UPRT: variants seen among roughly 807,000 people sequenced by gnomAD.
The protein encoded by UPRT is uracil phosphoribosyltransferase homolog.
UPRT carries 5 observed loss-of-function variants against 22.6 expected under a neutral mutation model. The ratio of observed to expected loss-of-function variants is 0.22; its 90% CI spans 0.12 to 0.47. The LOEUF is 0.47. UPRT is among the 20% of genes least tolerant of loss of function. The pLI is 0.99. For synonymous variants in UPRT, 77 were observed against 87.7 expected (o/e 0.88, Z 0.68); for missense variants, 181 against 239.9 (o/e 0.75, Z 1.62).
chrX:75,236,135 G>T (rs969130909), intron 4 of UPRT, among the ~76,000 whole-genome samples: 2 of 111,217 alleles, frequency 1.8e-5, no homozygotes, highest in Admixed American at 1.9e-4. Context: ...AAAATCACAA[G>T]CATTCTTATA....
At chrX:75,171,828 G>A (rs6647654) in intron 4 of UPRT, among the ~76,000 whole-genome samples, 1,242 of 110,931 alleles carry the variant, frequency 0.011, 20 homozygotes, top group African/African-American at 0.039. Flanking sequence ...CCTGAGAGCC[G>A]AACTCTAATG....
At chrX:75,255,271 A>C (rs1172799669) in intron 4 of UPRT, among the ~76,000 whole-genome samples, 1 of 111,539 alleles carries the variant, frequency 9.0e-6, no homozygotes, top group African/African-American at 3.3e-5. Context: ...TTATATATGA[A>C]AAAAAGATAC....
chrX:75,162,048 C>A (rs1162847635), intron 2 of UPRT, among the ~76,000 whole-genome samples: 3 of 110,588 alleles, frequency 2.7e-5, no homozygotes, highest in Non-Finnish European at 5.7e-5. Context: ...TCCCAAGAGT[C>A]ATCATGTGTA....
At chrX:75,288,722 G>A (rs1345150676) in intron 1 of UPRT, among the ~76,000 whole-genome samples, 1 of 111,376 alleles carries the variant, frequency 9.0e-6, no homozygotes, top group African/African-American at 3.3e-5. Flanking sequence ...CAAACCCACA[G>A]CCAACACTGT....
chrX:75,265,142 C>T (rs752457879), intron 4 of UPRT, among the ~76,000 whole-genome samples: 1 of 111,260 alleles, frequency 9.0e-6, no homozygotes, highest in Non-Finnish European at 1.9e-5. Flanking sequence ...TTTGGTGAAT[C>T]TGACAATTAT....
At chrX:75,277,412 T>C (rs2082635769) in intron 1 of UPRT, among the ~76,000 whole-genome samples, 1 of 111,010 alleles carries the variant, frequency 9.0e-6, no homozygotes, top group Non-Finnish European at 1.9e-5. Flanking sequence ...GGAATCCTTT[T>C]TTTTTTTTCC....
chrX:75,185,614 A>G (rs189968538), intron 4 of UPRT, among the ~76,000 whole-genome samples: 2,661 of 111,635 alleles, frequency 0.024, 33 homozygotes, highest in South Asian at 0.066. Context: ...TCCTCCTTGT[A>G]CCTCTGGTAG....
intron 4 of UPRT, among the ~76,000 whole-genome samples, chrX:75,255,518 A>C (rs948395404): frequency 1.8e-5 from 2 of 111,854 alleles, no homozygotes; most frequent in Non-Finnish European, 3.8e-5. Flanking sequence ...TCTCAATACT[A>C]ACATTGAATT....
intron 4 of UPRT, among the ~76,000 whole-genome samples, chrX:75,198,951 C>G (rs772557050): frequency 8.9e-6 from 1 of 112,053 alleles, no homozygotes; most frequent in African/African-American, 3.2e-5. Flanking sequence ...GGGCTAAACT[C>G]AGCCCTAGCC....
chrX:75,216,832 G>A (rs1291009417), intron 4 of UPRT, among the ~76,000 whole-genome samples: 1 of 112,251 alleles, frequency 8.9e-6, no homozygotes, highest in Non-Finnish European at 1.9e-5. Flanking sequence ...TCGGCTCACT[G>A]CAAGCTCCGC....
intron 3 of UPRT, among the ~76,000 whole-genome samples, chrX:75,165,165 A>G (rs1186814326): frequency 9.1e-6 from 1 of 110,207 alleles, no homozygotes; most frequent in African/African-American, 3.3e-5. Flanking sequence ...TTCATTCTCA[A>G]CAGAAGTGGA....
At chrX:75,217,374 G>A (rs902737928) in intron 4 of UPRT, among the ~76,000 whole-genome samples, 3 of 111,124 alleles carry the variant, frequency 2.7e-5, no homozygotes, top group Non-Finnish European at 5.7e-5. Context: ...GGATGGCATT[G>A]AATCTACAAA....
At chrX:75,213,755 G>A (rs1244841341) in intron 4 of UPRT, among the ~76,000 whole-genome samples, 2 of 111,746 alleles carry the variant, frequency 1.8e-5, no homozygotes, top group Non-Finnish European at 3.8e-5. Context: ...ACATAATGAT[G>A]AGGGCCAATT....
Position 75,164,614 on chromosome X carries a change from G to C in UPRT, c.-521+1389G>C, listed in dbSNP as rs148649084. ...TTAGATTAGTGATTGCCTAGTGCTG[G>C]GGAATTGGAATACCTGCTAATGTAT... On this transcript the variant is annotated intron_variant, in intron 3 of 13. Coordinates refer to the UPRT transcript ENST00000652605. 6.0e-3 allele frequency among the ~76,000 whole-genome samples: 672 copies of C among 111,800 alleles called. 4 individuals are homozygous for C. The highest frequency in any genetic ancestry group is 0.02 in the African/African-American group (630 of 30,829).
intron 4 of UPRT, among the ~76,000 whole-genome samples, chrX:75,241,869 A>G (rs2082489666): frequency 9.2e-6 from 1 of 109,223 alleles, no homozygotes; most frequent in African/African-American, 3.3e-5. Flanking sequence ...GAACTACACT[A>G]TGAGGATACA....
At chrX:75,159,534 C>T (rs1280037378) in intron 1 of UPRT, among the ~76,000 whole-genome samples, 1 of 111,747 alleles carries the variant, frequency 8.9e-6, no homozygotes, top group Admixed American at 9.5e-5. Context: ...CGATGCCAGA[C>T]TTAAATATTC....
At chrX:75,184,650 C>A (rs2082282863) in intron 4 of UPRT, among the ~76,000 whole-genome samples, 1 of 107,563 alleles carries the variant, frequency 9.3e-6, no homozygotes, top group Non-Finnish European at 1.9e-5. Flanking sequence ...ATTCTTCCTA[C>A]CCATGAGCAT....
intron 4 of UPRT, among the ~76,000 whole-genome samples, chrX:75,185,143 T>A (rs921473842): frequency 3.6e-5 from 4 of 111,976 alleles, no homozygotes; most frequent in African/African-American, 1.3e-4. Context: ...TTCAGTATGA[T>A]ATTGGCTGTG....
intron 4 of UPRT, among the ~76,000 whole-genome samples, chrX:75,237,923 A>T (rs1479758385): frequency 9.0e-6 from 1 of 110,601 alleles, no homozygotes; most frequent in Non-Finnish European, 1.9e-5. Context: ...CATTGTGCAC[A>T]TGTACCCTAA....
Sources: allele counts gnomAD v4.1 joint callset (sites outside exome capture counted in the v4.1 genomes callset), GRCh38; gene constraint gnomAD v4.1.1; transcripts MANE v1.5; gene names NCBI Gene and HGNC (gene_info 2026-07-23, HGNC 2026-07-21).